Variants in CSTPP1 observed in about 807,000 individuals in gnomAD.
CSTPP1 encodes centriolar satellite-associated tubulin polyglutamylase complex regulator 1.
the CSTPP1 span, among the ~76,000 whole-genome samples, chr11:47,128,355 T>G: frequency 1.3e-5 from 2 of 152,208 alleles, no homozygotes; most frequent in African/African-American, 4.8e-5. Context: ...TTTATAAATA[T>G]TAAATATTGA....
At chr11:47,056,808 G>A in the CSTPP1 span, among the ~76,000 whole-genome samples, 2 of 152,144 alleles carry the variant, frequency 1.3e-5, no homozygotes, top group African/African-American at 4.8e-5. Context: ...GATTTATTAA[G>A]CCCCATTTTA....
the CSTPP1 span, chr11:47,155,599 C>T: frequency 2.9e-6 from 1 of 341,166 alleles, no homozygotes; most frequent in Non-Finnish European, 5.5e-6. Flanking sequence ...GTCCCAGGCA[C>T]AGCACTGACT....
At chr11:47,011,604 G>A in the CSTPP1 span, among the ~76,000 whole-genome samples, 5 of 152,208 alleles carry the variant, frequency 3.3e-5, no homozygotes, top group African/African-American at 1.2e-4. Context: ...TCACTTAGAG[G>A]TAGGCCATGT....
At chr11:47,109,626 G>A in the CSTPP1 span, among the ~76,000 whole-genome samples, 1 of 152,150 alleles carries the variant, frequency 6.6e-6, no homozygotes, top group Admixed American at 6.5e-5. Flanking sequence ...ACAGTGCTGC[G>A]ATTTGGACAT....
At chr11:47,078,929 T>C in the CSTPP1 span, among the ~76,000 whole-genome samples, 5 of 152,134 alleles carry the variant, frequency 3.3e-5, no homozygotes, top group Non-Finnish European at 7.4e-5. Context: ...ATAAAGCCAA[T>C]CAATATGGTT....
the CSTPP1 span, chr11:46,936,748 G>A: frequency 3.7e-6 from 6 of 1,600,888 alleles, no homozygotes; most frequent in Non-Finnish European, 5.1e-6. Flanking sequence ...GGAGAGAGAC[G>A]GCAACCTGGG....
At chr11:47,163,489 G>A in the CSTPP1 span, among the ~76,000 whole-genome samples, 6 of 152,272 alleles carry the variant, frequency 3.9e-5, no homozygotes, top group South Asian at 2.1e-4. Context: ...TGTAACTACC[G>A]TGAGGACTCC....
At chr11:47,014,953 C>T in the CSTPP1 span, among the ~76,000 whole-genome samples, 2 of 151,764 alleles carry the variant, frequency 1.3e-5, no homozygotes, top group Non-Finnish European at 2.9e-5. Flanking sequence ...TAAATAAAAT[C>T]GGAAAATCAT....
chr11:47,086,971 C>T, the CSTPP1 span, among the ~76,000 whole-genome samples: 1 of 152,022 alleles, frequency 6.6e-6, no homozygotes, highest in African/African-American at 2.4e-5. Context: ...ATTTGTTTAG[C>T]TAAATTGGAT....
At chr11:47,158,048 C>A in the CSTPP1 span, 1 of 807,064 alleles carries the variant, frequency 1.2e-6, no homozygotes, top group Non-Finnish European at 2.0e-6. Flanking sequence ...TTCCCAGGGC[C>A]GGACTCAATC....
At chr11:47,041,336 A>G in the CSTPP1 span, 2 of 249,724 alleles carry the variant, frequency 8.0e-6, 1 homozygote, top group East Asian at 1.9e-4. Context: ...TTCGCAGATG[A>G]TACAGGTAAT....
At chr11:46,949,779 C>T in the CSTPP1 span, among the ~76,000 whole-genome samples, 1 of 151,444 alleles carries the variant, frequency 6.6e-6, no homozygotes, top group Non-Finnish European at 1.5e-5. Context: ...GCAATCAATT[C>T]TCATGCCTCA....
chr11:47,041,475 G>A, the CSTPP1 span: 1 of 317,812 alleles, frequency 3.1e-6, no homozygotes, highest in Non-Finnish European at 6.4e-6. Context: ...AAGATAAAGG[G>A]GCTGATCTGG....
chr11:47,116,646 C>CT, the CSTPP1 span, among the ~76,000 whole-genome samples: 4 of 112,762 alleles, frequency 3.5e-5, no homozygotes, highest in Admixed American at 2.6e-4. Flanking sequence ...GCAATCCCTG[C>CT]TTTTTTTTGC....
At chr11:47,131,760 T>A in the CSTPP1 span, among the ~76,000 whole-genome samples, 29 of 152,130 alleles carry the variant, frequency 1.9e-4, no homozygotes, top group Non-Finnish European at 3.7e-4. Flanking sequence ...GTGGATCACC[T>A]GAGGTCAGGA....
chr11:46,936,709 C>G, the CSTPP1 span: 2 of 1,554,206 alleles, frequency 1.3e-6, no homozygotes, highest in Admixed American at 3.9e-5. Flanking sequence ...GCTCCCGTCC[C>G]CCTTCCGCCG....
the CSTPP1 span, chr11:47,157,007 AC>A: frequency 5.0e-5 from 81 of 1,613,492 alleles, 1 homozygote; most frequent in Middle Eastern, 8.3e-4. Flanking sequence ...CCACACCCCC[AC>A]CCCCACGGTT....
the CSTPP1 span, among the ~76,000 whole-genome samples, chr11:47,119,929 T>C: frequency 1.8e-4 from 28 of 152,198 alleles, no homozygotes; most frequent in Admixed American, 1.2e-3. Flanking sequence ...ATCTTAATGA[T>C]GATGGAATTG....
At chr11:47,164,273 C>A in the CSTPP1 span, 1 of 1,601,366 alleles carries the variant, frequency 6.2e-7, no homozygotes. Flanking sequence ...CGGCACTGGG[C>A]AGGGAGGCAG....
Sources: allele counts gnomAD v4.1 joint callset (sites outside exome capture counted in the v4.1 genomes callset), GRCh38; gene constraint gnomAD v4.1.1; transcripts MANE v1.5; gene names NCBI Gene and HGNC (gene_info 2026-07-23, HGNC 2026-07-21).